The following GNA13 variants were observed in gnomAD, a reference collection of about 807,000 sequenced individuals.
The protein encoded by GNA13 is guanine nucleotide-binding protein subunit alpha-13.
GNA13 carries 4 observed loss-of-function variants against 33.5 expected under a neutral mutation model. The observed-to-expected ratio is 0.12, with a 90% CI of 0.06 to 0.27. GNA13 has a LOEUF of 0.27. Ranked by LOEUF, GNA13 falls within the 10% of genes least tolerant of loss-of-function variation. The pLI, the probability that GNA13 is intolerant of heterozygous loss-of-function variation, is 1.00. For missense variants in GNA13, 319 were observed against 487.2 expected (o/e 0.65, Z 3.25); for synonymous variants, 176 against 183.8 (o/e 0.96, Z 0.34).
At chr17:65,054,316 C>G (rs1465006878) in intron 1 of GNA13, among the ~76,000 whole-genome samples, 2 of 152,188 alleles carry the variant, frequency 1.3e-5, no homozygotes, top group African/African-American at 2.4e-5. Context: ...GGAGGAAGAT[C>G]AACTGCAAAA....
At chr17:65,039,021 T>C (rs1907363431) in intron 2 of GNA13, among the ~76,000 whole-genome samples, 1 of 152,208 alleles carries the variant, frequency 6.6e-6, no homozygotes, top group Non-Finnish European at 1.5e-5. Flanking sequence ...CCAGGGACTG[T>C]CTGTATGCCC....
chr17:65,019,876 C>T (rs1400008054), intron 2 of GNA13, among the ~76,000 whole-genome samples: 4 of 152,022 alleles, frequency 2.6e-5, no homozygotes, highest in Admixed American at 6.6e-5. Flanking sequence ...GGAGAGATAC[C>T]CTATCTTCCA....
intron 2 of GNA13, among the ~76,000 whole-genome samples, chr17:65,020,270 T>A (rs1426279213): frequency 6.6e-6 from 1 of 152,222 alleles, no homozygotes; most frequent in African/African-American, 2.4e-5. Context: ...AAGGAACAGA[T>A]GTGAATTTCA....
chr17:65,045,239 G>A (rs1436505445), intron 2 of GNA13, among the ~76,000 whole-genome samples: 1 of 127,422 alleles, frequency 7.8e-6, no homozygotes, highest in East Asian at 2.0e-4. Context: ...ACTGTGTTCA[G>A]CCAGGCATGG....
chr17:65,011,491 T>C lies in GNA13; in HGVS notation c.*2766A>G. The C allele has an allele frequency of 5.0e-6, 1 of 200,042 alleles. No homozygotes were observed. Among genetic ancestry groups the C allele is most frequent in the East Asian group, 7.9e-5 (1 of 12,722 alleles). 12.4% of individuals were successfully genotyped at this position (200,042 alleles called of 1,614,324 possible). Reference sequence around the variant, plus strand: ...ATATTAAAGGGGCAGAGGCATGCTTTGAATTACTCAGATTTTCAGAAAACA... The same window carrying C: ...ATATTAAAGGGGCAGAGGCATGCTTCGAATTACTCAGATTTTCAGAAAACA... On this transcript the variant is annotated 3_prime_UTR_variant, in exon 4 of 4. Coordinates refer to ENST00000439174, the MANE Select transcript of GNA13 (RefSeq NM_006572.6).
chr17:65,042,518 A>G (rs1907496266), intron 2 of GNA13, among the ~76,000 whole-genome samples: 1 of 152,020 alleles, frequency 6.6e-6, no homozygotes, highest in Non-Finnish European at 1.5e-5. Flanking sequence ...GGGCAGATCA[A>G]TTGAGGTCAG....
chr17:65,034,228 C>T (rs982128515), intron 2 of GNA13, among the ~76,000 whole-genome samples: 1 of 151,946 alleles, frequency 6.6e-6, no homozygotes, highest in African/African-American at 2.4e-5. Flanking sequence ...AAATAAACTA[C>T]TGCACATGAA....
At chr17:65,041,344 T>C (rs1303571341) in intron 2 of GNA13, among the ~76,000 whole-genome samples, 2 of 151,908 alleles carry the variant, frequency 1.3e-5, no homozygotes, top group East Asian at 1.9e-4. Flanking sequence ...AGTTTTGTTT[T>C]TAAATGCTAA....
At chr17:65,036,509 C>T (rs1907253632) in intron 2 of GNA13, among the ~76,000 whole-genome samples, 1 of 152,196 alleles carries the variant, frequency 6.6e-6, no homozygotes, top group Non-Finnish European at 1.5e-5. Context: ...AGTTTGAGAT[C>T]AGCCTGGCCA....
intron 2 of GNA13, among the ~76,000 whole-genome samples, chr17:65,038,824 C>A (rs904140319): frequency 1.3e-5 from 2 of 152,172 alleles, no homozygotes; most frequent in Non-Finnish European, 2.9e-5. Flanking sequence ...GATAGTTGGG[C>A]AAAATCATCT....
In GNA13 at chr17:65,012,112, G is replaced by T; in HGVS notation, c.*2145C>A. The T allele has an allele frequency of 4.4e-6, 1 of 226,360 alleles. No individual in the cohort carries two copies. Among genetic ancestry groups the T allele is most frequent in the Non-Finnish European group, 8.8e-6 (1 of 113,798 alleles). 14.0% of individuals were successfully genotyped at this position (226,360 alleles called of 1,614,324 possible). The stretch of plus-strand genomic sequence containing the variant: ...GCCCAAAATAACATGATATCTATTT[G>T]GTGTTTCAACACTTCTTGGTGGTAA... On this transcript the variant is annotated 3_prime_UTR_variant, in exon 4 of 4. Coordinates refer to ENST00000439174, the MANE Select transcript of GNA13 (RefSeq NM_006572.6).
rs944080317 is a variant in GNA13, at chr17:65,011,687, C to T, written c.*2570G>A. On this transcript the variant is annotated 3_prime_UTR_variant, in exon 4 of 4. Transcript: ENST00000439174. ...ACAGAATGTAACACAGGATTAGGCA[C>T]ATTTTATTCCAAATCATAACCATAA... The T allele has an allele frequency of 6.6e-5, 15 of 226,296 alleles. No individual in the cohort carries two copies. Among genetic ancestry groups the T allele is most frequent in the African/African-American group, 3.1e-4 (14 of 44,944 alleles). 14.0% of individuals were successfully genotyped at this position (226,296 alleles called of 1,614,324 possible).
At chr17:65,031,060 A>T (rs535877086) in intron 2 of GNA13, among the ~76,000 whole-genome samples, 3 of 152,364 alleles carry the variant, frequency 2.0e-5, no homozygotes, top group African/African-American at 7.2e-5. Flanking sequence ...GTTAATATCC[A>T]GTTTTTCTTT....
At chr17:65,019,375 T>C (rs1318702715) in intron 2 of GNA13, among the ~76,000 whole-genome samples, 1 of 152,190 alleles carries the variant, frequency 6.6e-6, no homozygotes, top group Non-Finnish European at 1.5e-5. Flanking sequence ...CCCCCACGTT[T>C]ACTGCTGCAC....
At chr17:65,045,322 C>T (rs1907619132) in intron 2 of GNA13, among the ~76,000 whole-genome samples, 1 of 151,944 alleles carries the variant, frequency 6.6e-6, no homozygotes. Flanking sequence ...GAGTTCGAGA[C>T]CAGCCTGGCC....
chr17:65,031,424 C>T (rs1005121757), intron 2 of GNA13, among the ~76,000 whole-genome samples: 3 of 152,160 alleles, frequency 2.0e-5, no homozygotes, highest in Non-Finnish European at 4.4e-5. Flanking sequence ...AATAGCTAAG[C>T]CCAATGGTTT....
intron 2 of GNA13, among the ~76,000 whole-genome samples, chr17:65,042,967 A>G (rs535492714): frequency 1.3e-5 from 2 of 152,314 alleles, no homozygotes; most frequent in African/African-American, 4.8e-5. Flanking sequence ...TTAATAACTA[A>G]TATTAATAAT....
intron 2 of GNA13, among the ~76,000 whole-genome samples, chr17:65,019,099 T>C (rs1188342481): frequency 6.6e-6 from 1 of 152,132 alleles, no homozygotes; most frequent in Non-Finnish European, 1.5e-5. Context: ...CTTCCAAGTG[T>C]TCCTGAAGCA....
chr17:65,026,771 TTTTG>T (rs201185564), intron 2 of GNA13, among the ~76,000 whole-genome samples: 4,380 of 152,188 alleles, frequency 0.029, 96 homozygotes, highest in African/African-American at 0.062. Flanking sequence ...ACATTCAATT[TTTTG>T]TTTGTTTGTT....
Sources: allele counts gnomAD v4.1 joint callset (sites outside exome capture counted in the v4.1 genomes callset), GRCh38; gene constraint gnomAD v4.1.1; transcripts MANE v1.5; gene names NCBI Gene and HGNC (gene_info 2026-07-23, HGNC 2026-07-21).